Variants in COQ7 observed in about 807,000 individuals in gnomAD.
COQ7 encodes the protein NADPH-dependent 3-demethoxyubiquinone 3-hydroxylase, mitochondrial.
In COQ7, 21 loss-of-function variants were observed where a neutral mutation model predicts 25.0. That is an observed-to-expected ratio of 0.84 (90% confidence interval 0.60 to 1.21). The LOEUF (loss-of-function observed/expected upper bound fraction) is 1.21, where lower values mean the gene tolerates loss of function less well. Among genes scored for constraint, COQ7 ranks in the 50% most tolerant of loss-of-function variants. COQ7 has a pLI of 0.00. For missense variants in COQ7, 311 were observed against 296.2 expected, an observed-to-expected ratio of 1.05 and a Z score of -0.37; for synonymous variants, 125 against 112.4, an observed-to-expected ratio of 1.11 and a Z score of -0.71.
chr16:19,072,944 A>G (rs35189264), intron 2 of COQ7, among the ~76,000 whole-genome samples: 33,667 of 152,026 alleles, frequency 0.22, 3,844 homozygotes, highest in Admixed American at 0.27. Context: ...GCCGAGGCCA[A>G]TGGATCGCTT....
rs756482567 is a variant in COQ7 at position 19,077,287 on chromosome 16, T to C, written c.508-19T>C. 2 of 1,612,066 alleles carry C rather than the reference T, an allele frequency of 1.2e-6. No individual in the cohort carries two copies. The highest frequency in any genetic ancestry group is 2.2e-5 in the South Asian group (2 of 91,036). The stretch of plus-strand genomic sequence containing the variant: ...GAGTTGGAAGGCTAACTTGCTTTGG[T>C]GTCTTTTTATTTAACCAGCTGATAA... On this transcript the variant is annotated intron_variant, in intron 4 of 5. Transcript: ENST00000321998.
At chr16:19,071,898 C>A in intron 1 of COQ7, 30 bp from the exon 2 acceptor site, 1 of 1,612,570 alleles carries the variant, frequency 6.2e-7, no homozygotes, top group Non-Finnish European at 8.5e-7. Flanking sequence ...TTTACCTGAT[C>A]ATAACGAAGA....
intron 1 of COQ7, among the ~76,000 whole-genome samples, chr16:19,069,657 C>T (rs570399294): frequency 1.6e-4 from 25 of 151,960 alleles, no homozygotes; most frequent in Admixed American, 1.6e-3. Flanking sequence ...GTGATTCTCC[C>T]TCCTTGGCTT....
At chr16:19,073,789 G>A (rs1418750626) in intron 2 of COQ7, 132 bp from the exon 3 acceptor site, 22 of 632,236 alleles carry the variant, frequency 3.5e-5, no homozygotes, top group African/African-American at 3.7e-5. Context: ...TTCCATTGAC[G>A]TTTTGAGGGG....
intron 1 of COQ7, 104 bp from the exon 2 acceptor site, chr16:19,071,824 G>A: frequency 1.5e-6 from 2 of 1,292,406 alleles, no homozygotes; most frequent in African/African-American, 1.5e-5. Context: ...GGCCCATGGG[G>A]AACTGATTTG....
At chr16:19,081,904 G>T (rs1460835444), downstream of COQ7, among the ~76,000 whole-genome samples, 1 of 152,116 alleles carries the variant, frequency 6.6e-6, no homozygotes, top group Non-Finnish European at 1.5e-5. Context: ...AAGAAACAAG[G>T]GATGGTTAAT....
intron 4 of COQ7, among the ~76,000 whole-genome samples, chr16:19,076,134 C>T (rs573430033): frequency 1.6e-4 from 24 of 151,934 alleles, no homozygotes; most frequent in South Asian, 1.0e-3. Flanking sequence ...TTGCCCAGGC[C>T]GGAGTACAGT....
At chr16:19,068,222 G>A in intron 1 of COQ7, 2 of 1,014,730 alleles carry the variant, frequency 2.0e-6, no homozygotes, top group Non-Finnish European at 2.4e-6. Flanking sequence ...CTGTGAACAG[G>A]ACCTTTAGGT....
At chr16:19,073,165 C>T (rs935162636) in intron 2 of COQ7, among the ~76,000 whole-genome samples, 1 of 152,062 alleles carries the variant, frequency 6.6e-6, no homozygotes, top group Non-Finnish European at 1.5e-5. Context: ...ACAAATCAGC[C>T]AGGCATGGTG....
At position 19,067,944 on chromosome 16, in the gene COQ7, G is replaced by A. The variant is rs1596815821; in HGVS notation, c.73+207G>A. ...CGGCGAGAGTGACAGGAGGACAGGG[G>A]TTGTTTCGGCAGTGACGCCTGGGGA... On this transcript the variant is annotated intron_variant, in intron 1 of 5. Coordinates refer to ENST00000321998, the MANE Select transcript of COQ7 (RefSeq NM_016138.5). 3 of 1,446,914 alleles carry A rather than the reference G, an allele frequency of 2.1e-6. No individual in the cohort carries two copies. In the East Asian group the frequency reaches 7.5e-5, roughly 36 times the overall value. 89.6% of individuals were successfully genotyped at this position (1,446,914 alleles called of 1,614,324 possible).
downstream of COQ7, among the ~76,000 whole-genome samples, chr16:19,080,479 G>A (rs1963074577): frequency 6.6e-6 from 1 of 152,110 alleles, no homozygotes. Context: ...ATAATATCAA[G>A]TGTTTTAAAC....
chr16:19,072,072 T>A lies in COQ7; in HGVS notation c.218T>A (p.Val73Asp), dbSNP rs1344921976. ...CGCATCTATGCCGGGCAGATGGCTGTCCTGGGTCGGACCAGCGTCGGGCCA... is the reference window on the plus strand; with the variant it reads ...CGCATCTATGCCGGGCAGATGGCTGACCTGGGTCGGACCAGCGTCGGGCCA... ...ANRIYAGQMA[V>D]LGRTSVGPVI... is the part of the protein sequence containing the mutation. The change falls in exon 2 of 6, where the codon GTC (valine) becomes GAC (aspartate). Residue 73 changes from valine to aspartate, a missense_variant. Physicochemically the swap from Val to Asp is radical, Grantham distance 152. Coordinates refer to ENST00000321998, the MANE Select transcript of COQ7 (RefSeq NM_016138.5). 4 of 1,614,208 alleles carry A rather than the reference T, an allele frequency of 2.5e-6. No individual in the cohort carries two copies. The Admixed American group carries it at 6.7e-5, about 27-fold the overall frequency.
At chr16:19,077,210 C>G (rs988061074) in intron 4 of COQ7, 96 bp from the exon 5 acceptor site, 2 of 1,068,966 alleles carry the variant, frequency 1.9e-6, no homozygotes, top group African/African-American at 3.1e-5. Context: ...GCCTCCCTGT[C>G]TTAGGCCATA....
At chr16:19,076,549 A>G (rs1169931009) in intron 4 of COQ7, among the ~76,000 whole-genome samples, 2 of 141,266 alleles carry the variant, frequency 1.4e-5, no homozygotes, top group African/African-American at 2.6e-5. Flanking sequence ...AAGTGCTGAG[A>G]TTACAGGTGT....
downstream of COQ7, among the ~76,000 whole-genome samples, chr16:19,082,802 T>G (rs1187170807): frequency 1.1e-5 from 1 of 93,086 alleles, no homozygotes; most frequent in East Asian, 3.4e-4. Flanking sequence ...AAATTTTATG[T>G]ATATTTTACC....
chr16:19,072,384 A>C, intron 2 of COQ7: 12 of 416,578 alleles, frequency 2.9e-5, no homozygotes, highest in East Asian at 4.5e-5. Flanking sequence ...AAGGTTAAGA[A>C]TCGCTCAGCA....
chr16:19,071,516 A>G (rs1357710597), intron 1 of COQ7, among the ~76,000 whole-genome samples: 1 of 152,240 alleles, frequency 6.6e-6, no homozygotes, highest in Non-Finnish European at 1.5e-5. Context: ...CTTCTAAACA[A>G]TATCAGTTCA....
At chr16:19,068,110 A>G (rs1429031891) in intron 1 of COQ7, 2 of 1,084,184 alleles carry the variant, frequency 1.8e-6, no homozygotes, top group African/African-American at 1.7e-5. Flanking sequence ...CTTGCCAGGC[A>G]AAGGGTAGCC....
Position 19,075,858 on chromosome 16 carries a change from C to T in COQ7, c.505C>T (p.Gln169Ter), listed in dbSNP as rs150852870. The stretch of plus-strand genomic sequence containing the variant: ...CCCTGAAAAATACGAGGAACTTCTT[C>T]AGGTATTTATCCGTGCTCTAGAACG... Reference protein sequence around the residue: ...EDPEKYEELLQLIKKFRDEEL... With the variant: ...EDPEKYEELL Residue 169 changes from glutamine (Q) to a stop codon, truncating the protein, a stop_gained and splice_region_variant, in exon 4 of 6, where the codon CAG (glutamine) becomes TAG (stop). Coordinates refer to ENST00000321998, the MANE Select transcript of COQ7 (RefSeq NM_016138.5). LOFTEE classifies it high-confidence loss of function. 1.2e-6 allele frequency: 2 copies of T among 1,614,202 alleles called. No homozygotes were observed. The highest frequency in any genetic ancestry group is 2.2e-5 in the East Asian group (1 of 44,876).
Sources: gnomAD v4.1 joint callset for allele counts (sites outside exome capture counted in the v4.1 genomes callset) on GRCh38, gnomAD v4.1.1 for gene constraint, MANE v1.5 for transcripts, NCBI Gene and HGNC (gene_info 2026-07-23, HGNC 2026-07-21) for gene names.